FHAD1: variants seen among roughly 807,000 people sequenced by gnomAD.
The protein encoded by FHAD1 is forkhead associated phosphopeptide binding domain 1.
A neutral mutation model predicts 191.3 loss-of-function variants in FHAD1; 146 were observed. That is an observed-to-expected ratio of 0.76 (90% CI 0.67 to 0.88). FHAD1 has a LOEUF of 0.88. Ranked by LOEUF, FHAD1 falls within the 40% of genes least tolerant of loss-of-function variation. The pLI, the probability that FHAD1 is intolerant of heterozygous loss-of-function variation, is 0.00. For synonymous variants in FHAD1, 616 were observed against 672.3 expected (o/e 0.92, Z 1.29); for missense variants, 1,635 against 1,785.8 (o/e 0.92, Z 1.52).
At chr1:15,268,026 G>C (rs942421795) in intron 2 of FHAD1, among the ~76,000 whole-genome samples, 2 of 148,058 alleles carry the variant, frequency 1.4e-5, no homozygotes, top group Admixed American at 6.8e-5. Flanking sequence ...TTAAGTTTTA[G>C]GGTACATGTG....
intron 10 of FHAD1, among the ~76,000 whole-genome samples, chr1:15,323,490 T>G (rs1490187727): frequency 6.6e-6 from 1 of 152,226 alleles, no homozygotes; most frequent in Non-Finnish European, 1.5e-5. Flanking sequence ...GGCTGCACCC[T>G]GCCACTCAGA....
intron 18 of FHAD1, among the ~76,000 whole-genome samples, chr1:15,347,614 A>AT (rs1689374434): frequency 6.6e-6 from 1 of 152,044 alleles, no homozygotes; most frequent in African/African-American, 2.4e-5. Context: ...TGCCTGGCTA[A>AT]TTTTTTGTAT....
chr1:15,283,377 A>T (rs1033292720), intron 3 of FHAD1, among the ~76,000 whole-genome samples: 1 of 152,194 alleles, frequency 6.6e-6, no homozygotes, highest in African/African-American at 2.4e-5. Flanking sequence ...ACTAACACAG[A>T]GCCACAGAGA....
Position 15,311,467 on chromosome 1 carries a change from T to C in FHAD1, c.1040-1590T>C, listed in dbSNP as rs1672248159. Among the ~76,000 whole-genome samples the C allele has an allele frequency of 6.6e-6, 1 of 152,086 alleles. No homozygotes were observed. The highest frequency in any genetic ancestry group is 2.4e-5 in the African/African-American group (1 of 41,414). ...GCACCTGGTAGAGACTCAAGCCAAA[T>C]TCATTCTAGAGAAAAGGTCACTCTG... On this transcript the variant is annotated intron_variant, in intron 7 of 33. Transcript: ENST00000688493. The surrounding 1 kb of genome is among the most constrained non-coding windows in gnomAD (Gnocchi z 4.1).
intron 4 of FHAD1, among the ~76,000 whole-genome samples, chr1:15,293,438 G>A (rs1332315979): frequency 1.3e-5 from 2 of 152,244 alleles, no homozygotes; most frequent in East Asian, 3.9e-4. Flanking sequence ...TGTTCCTTGT[G>A]GCCAGGCGCG....
At chr1:15,240,861 G>A (rs1188954735) in intron 1 of FHAD1, among the ~76,000 whole-genome samples, 2 of 150,868 alleles carry the variant, frequency 1.3e-5, no homozygotes, top group African/African-American at 4.9e-5. Context: ...GGAGGCTGAG[G>A]CAGAAGAATC....
chr1:15,370,027 T>G (rs564826434), intron 26 of FHAD1, among the ~76,000 whole-genome samples: 1 of 152,368 alleles, frequency 6.6e-6, no homozygotes, highest in Non-Finnish European at 1.5e-5. Flanking sequence ...CAGGCAGGAA[T>G]GTAGTGGTGC....
chr1:15,262,648 T>C (rs1454044201), intron 2 of FHAD1, among the ~76,000 whole-genome samples: 3 of 152,228 alleles, frequency 2.0e-5, no homozygotes, highest in South Asian at 2.1e-4. Context: ...TTTTAAAAGC[T>C]AAATAACATC....
At chr1:15,362,500 A>G (rs934349753) in intron 22 of FHAD1, 142 bp from the exon 23 acceptor site, 2 of 675,230 alleles carry the variant, frequency 3.0e-6, no homozygotes, top group African/African-American at 1.8e-5. Flanking sequence ...AGCCTGTGAC[A>G]TGGCACACGT....
Position 15,318,788 on chromosome 1 carries a change from G to T in FHAD1, c.1365+860G>T, listed in dbSNP as rs1484724783. 6.6e-6 allele frequency among the ~76,000 whole-genome samples: 1 copy of T among 152,202 alleles called. No homozygotes were observed. The highest frequency in any genetic ancestry group is 2.4e-5 in the African/African-American group (1 of 41,444). On this transcript the variant is annotated intron_variant, in intron 10 of 33. Transcript: ENST00000688493. This position sits in a 1 kb window ranked among gnomAD's most constrained non-coding sequence, Gnocchi z 4.1. ...TTCCATCAGCACAGCAAGTCCTATT[G>T]TTTTAAATTAATGGTGACCTCTTTT...
intron 18 of FHAD1, 94 bp downstream of exon 18, chr1:15,345,617 G>C: frequency 1.0e-6 from 1 of 1,002,290 alleles, no homozygotes; most frequent in Non-Finnish European, 1.5e-6. Context: ...GTGAGATCGT[G>C]GTGGAGCCTT....
Position 15,303,860 on chromosome 1 carries a change from A to AG in FHAD1, c.915+2419_915+2420insG, listed in dbSNP as rs1399246987. 5.3e-5 allele frequency among the ~76,000 whole-genome samples: 8 copies of AG among 151,862 alleles called. No individual in the cohort carries two copies. In the South Asian group the frequency reaches 8.3e-4, roughly 16 times the overall value. On this transcript the variant is annotated intron_variant, in intron 6 of 33. Transcript: ENST00000688493. ...TGAGACTCTGTCTCAAAAAAAAAAAAAAAGAAAGAAAGAAAGAATTACTCT... is the reference window on the plus strand; with the variant it reads ...TGAGACTCTGTCTCAAAAAAAAAAAAGAAAGAAAGAAAGAAAGAATTACTCT...
chr1:15,262,021 GCACA>G (rs143373188), intron 2 of FHAD1, among the ~76,000 whole-genome samples: 2 of 150,182 alleles, frequency 1.3e-5, no homozygotes, highest in African/African-American at 4.9e-5. Flanking sequence ...TAGCACACAC[GCACA>G]CACACACACA....
chr1:15,313,090 C>T lies in FHAD1; in HGVS notation c.1073C>T (p.Ala358Val). The T allele has an allele frequency of 6.4e-7, 1 of 1,551,712 alleles. No individual in the cohort carries two copies. Among genetic ancestry groups the T allele is most frequent in the Non-Finnish European group, 8.7e-7 (1 of 1,147,006 alleles). The change falls in exon 8 of 34, where the codon GCA becomes GTA. Residue 358 changes from alanine to valine, a missense_variant. By Grantham distance (64) the Ala-to-Val change is moderately conservative. Coordinates refer to ENST00000688493, the MANE Select transcript of FHAD1 (RefSeq NM_001391957.1). ...MVSSLQKDILAKDEQVQQLKE... is the reference protein window; with the variant it reads ...MVSSLQKDILVKDEQVQQLKE... ...TCATCTTTGCAAAAAGACATATTAG[C>T]AAAGGATGAGCAAGTTCAACAACTA...
chr1:15,348,471 A>C (rs566509873), intron 18 of FHAD1, among the ~76,000 whole-genome samples: 147 of 152,270 alleles, frequency 9.7e-4, no homozygotes, highest in African/African-American at 3.0e-3. Context: ...AAACTCCTTG[A>C]TTAGGGCCAC....
chr1:15,333,994 C>T (rs1182294275), intron 14 of FHAD1, among the ~76,000 whole-genome samples: 1 of 151,656 alleles, frequency 6.6e-6, no homozygotes, highest in Non-Finnish European at 1.5e-5. Flanking sequence ...CACCACGCCA[C>T]CTAATTTTTG....
At chr1:15,401,689 T>A (rs141927611), downstream of FHAD1, among the ~76,000 whole-genome samples, 79 of 152,308 alleles carry the variant, frequency 5.2e-4, no homozygotes, top group African/African-American at 1.9e-3. Flanking sequence ...TCCAATTTTT[T>A]AGGGACTTAG....
At chr1:15,338,139 AC>A (rs1171175108) in intron 14 of FHAD1, among the ~76,000 whole-genome samples, 1 of 148,028 alleles carries the variant, frequency 6.8e-6, no homozygotes, top group Non-Finnish European at 1.5e-5. Flanking sequence ...CACCCCCACC[AC>A]CCCCACATCC....
At chr1:15,374,676 G>A (rs188747947) in intron 27 of FHAD1, 45 bp downstream of exon 27, 36 of 1,547,146 alleles carry the variant, frequency 2.3e-5, no homozygotes, top group Admixed American at 1.2e-4. Flanking sequence ...CCCAGACTCC[G>A]GCTCACTTTG....
Sources: gnomAD v4.1 joint callset for allele counts (sites outside exome capture counted in the v4.1 genomes callset) on GRCh38, gnomAD v4.1.1 for gene constraint, Gnocchi (gnomAD v3.1) non-coding constraint, MANE v1.5 for transcripts, NCBI Gene and HGNC (gene_info 2026-07-23, HGNC 2026-07-21) for gene names.